Variants in AGT observed in about 807,000 individuals in gnomAD.
AGT encodes the protein angiotensinogen, also known as alpha-1 antiproteinase, antitrypsin.
AGT carries 26 observed loss-of-function variants against 28.1 expected under a neutral mutation model. The ratio of observed to expected loss-of-function variants is 0.92; its 90% CI spans 0.68 to 1.28. The LOEUF is 1.28. Among genes scored for constraint, AGT ranks in the 50% most tolerant of loss-of-function variants. The pLI, the probability that AGT is intolerant of heterozygous loss-of-function variation, is 0.00. For synonymous variants in AGT, 259 were observed against 259.6 expected (o/e 1.00, Z 0.02); for missense variants, 596 against 592.3 (o/e 1.01, Z -0.06).
At chr1:230,743,305 A>G (rs1322779722) in intron 1 of AGT, among the ~76,000 whole-genome samples, 2 of 152,158 alleles carry the variant, frequency 1.3e-5, no homozygotes, top group Non-Finnish European at 2.9e-5. Flanking sequence ...TACTCTTAAC[A>G]TACCCAAAGT....
At chr1:230,731,425 G>A (rs913906823) in intron 1 of AGT, among the ~76,000 whole-genome samples, 12 of 152,216 alleles carry the variant, frequency 7.9e-5, no homozygotes, top group African/African-American at 2.9e-4. Flanking sequence ...CCCCAAGGCT[G>A]CCCATTGCAA....
chr1:230,727,526 T>A (rs570977462), intron 1 of AGT, among the ~76,000 whole-genome samples: 1 of 152,340 alleles, frequency 6.6e-6, no homozygotes, highest in South Asian at 2.1e-4. Flanking sequence ...ATTTATGCCA[T>A]TAAGTGTGAA....
intron 1 of AGT, among the ~76,000 whole-genome samples, chr1:230,723,720 C>T (rs1373606920): frequency 6.6e-6 from 1 of 152,134 alleles, no homozygotes; most frequent in African/African-American, 2.4e-5. Flanking sequence ...TGTTCTGCTT[C>T]TATTTTCAGT....
In AGT at chr1:230,710,254, G is replaced by A. The variant is rs1181985678; in HGVS notation, c.570C>T (p.Ser190=). Residue 190 remains serine (S), a synonymous_variant, in exon 2 of 5, where the codon AGC becomes AGT. Coordinates refer to ENST00000366667, the MANE Select transcript of AGT (RefSeq NM_001384479.1). The part of the protein sequence containing the change: ...GLLVAQGRAD[S]QAQLLLSTVV... The stretch of plus-strand genomic sequence containing the variant: ...CCGTGGACAGCAGCAGCTGGGCCTG[G>A]CTATCAGCCCTGCCCTGGGCCACTA... 1.4e-5 allele frequency: 22 copies of A among 1,613,658 alleles called. No individual in the cohort carries two copies. The highest frequency in any genetic ancestry group is 1.9e-5 in the Non-Finnish European group (22 of 1,179,972).
At chr1:230,715,402 T>A (rs1663710486), upstream of AGT, among the ~76,000 whole-genome samples, 1 of 152,162 alleles carries the variant, frequency 6.6e-6, no homozygotes. Context: ...CCAGGTACAG[T>A]GCCTCGCATC....
At chr1:230,727,886 G>A (rs1004541615) in intron 1 of AGT, among the ~76,000 whole-genome samples, 1 of 152,180 alleles carries the variant, frequency 6.6e-6, no homozygotes, top group African/African-American at 2.4e-5. Context: ...GATTTATCAA[G>A]ACAGGGGAGT....
intron 1 of AGT, among the ~76,000 whole-genome samples, chr1:230,728,736 G>T (rs1483059560): frequency 2.0e-5 from 3 of 152,090 alleles, no homozygotes; most frequent in Non-Finnish European, 4.4e-5. Context: ...GGGAGAAAAG[G>T]TTTGTGTGTA....
At chr1:230,717,971 G>A (rs1002035919), upstream of AGT, among the ~76,000 whole-genome samples, 3 of 152,158 alleles carry the variant, frequency 2.0e-5, no homozygotes, top group Non-Finnish European at 4.4e-5. Context: ...GTATTTTTGT[G>A]TGTTGTTTTA....
chr1:230,719,269 G>C (rs1181033653), upstream of AGT, among the ~76,000 whole-genome samples: 1 of 152,104 alleles, frequency 6.6e-6, no homozygotes, highest in African/African-American at 2.4e-5. Flanking sequence ...ACCTCGGGCA[G>C]TGCCCTATGG....
At chr1:230,736,279 T>C (rs1664153734) in intron 1 of AGT, among the ~76,000 whole-genome samples, 1 of 152,090 alleles carries the variant, frequency 6.6e-6, no homozygotes, top group Non-Finnish European at 1.5e-5. Flanking sequence ...ATCCCAGCAC[T>C]TTGGGAGGCT....
chr1:230,719,413 T>A (rs556920559), upstream of AGT, among the ~76,000 whole-genome samples: 50 of 58,990 alleles, frequency 8.5e-4, no homozygotes, highest in East Asian at 0.022. Flanking sequence ...TATGTTTTTT[T>A]TTTTTTTTTT....
In AGT at chr1:230,705,825, T is replaced by C. The variant is rs1400159185; in HGVS notation, c.1097+108A>G. On this transcript the variant is annotated intron_variant, in intron 3 of 4. Transcript: ENST00000366667. ...GCCCCGTGCCACCGCGGCCCTGCCCTGCTCTGCACCCAAGGCTCAGCTCAG... is the reference window on the plus strand; with the variant it reads ...GCCCCGTGCCACCGCGGCCCTGCCCCGCTCTGCACCCAAGGCTCAGCTCAG... The C allele has an allele frequency of 2.7e-6, 4 of 1,471,586 alleles. No individual in the cohort carries two copies. The African/African-American group carries it at 5.6e-5, about 21-fold the overall frequency. 91.2% of individuals were successfully genotyped at this position (1,471,586 alleles called of 1,614,324 possible).
intron 1 of AGT, among the ~76,000 whole-genome samples, chr1:230,744,866 A>C (rs1024617312): frequency 8.5e-5 from 13 of 152,148 alleles, no homozygotes; most frequent in African/African-American, 3.1e-4. Flanking sequence ...GTCCTTTCTC[A>C]GTTGCTGGGG....
Position 230,710,680 on chromosome 1 carries a change from G to T in AGT, c.144C>A (p.Ala48=), listed in dbSNP as rs539783201. 6.2e-7 allele frequency: 1 copy of T among 1,614,220 alleles called. No homozygotes were observed. Among genetic ancestry groups the T allele is most frequent in the South Asian group, 1.1e-5 (1 of 91,090 alleles). The change falls in exon 2 of 5, where the codon GCC becomes GCA. Residue 48 remains alanine (A), a synonymous_variant. Coordinates refer to ENST00000366667, the MANE Select transcript of AGT (RefSeq NM_001384479.1). ...NESTCEQLAK[A]NAGKPKDPTF... ...TGGGGTCTTTGGGCTTCCCGGCATT[G>T]GCCTTTGCCAGCTGCTCACAGGTAC...
At position 230,710,667 on chromosome 1, in the gene AGT, G is replaced by T. The variant is rs142417928; in HGVS notation, c.157C>A (p.Pro53Thr). The T allele has an allele frequency of 6.2e-7, 1 of 1,614,202 alleles. No individual in the cohort carries two copies. Among genetic ancestry groups the T allele is most frequent in the Admixed American group, 1.7e-5 (1 of 60,036 alleles). ...GCAGGTATGAAGGTGGGGTCTTTGG[G>T]CTTCCCGGCATTGGCCTTTGCCAGC... is the stretch of plus-strand genomic sequence containing the variant. Reference protein sequence around the residue: ...EQLAKANAGKPKDPTFIPAPI... With the variant: ...EQLAKANAGKTKDPTFIPAPI... Residue 53 changes from proline to threonine, a missense_variant, in exon 2 of 5, where the codon CCC becomes ACC. Physicochemically the swap from Pro to Thr is conservative, Grantham distance 38. Transcript: ENST00000366667.
chr1:230,720,515 C>T (rs561064951), intron 1 of AGT, among the ~76,000 whole-genome samples: 2 of 152,294 alleles, frequency 1.3e-5, no homozygotes, highest in South Asian at 4.1e-4. Flanking sequence ...TGGGGCGGGT[C>T]CCCGGTGAAA....
chr1:230,704,639 G>A (rs563728885), intron 3 of AGT, among the ~76,000 whole-genome samples: 3 of 152,328 alleles, frequency 2.0e-5, no homozygotes, highest in Admixed American at 6.5e-5. Context: ...GTGTTACTTG[G>A]GTAATTTTTA....
At position 230,706,082 on chromosome 1, in the gene AGT, G is replaced by C; in HGVS notation, c.948C>G (p.Ile316Met). Residue 316 changes from isoleucine (I) to methionine (M), a missense_variant, in exon 3 of 5, where the codon ATC becomes ATG. Physicochemically the swap from Ile to Met is conservative, Grantham distance 10. Coordinates refer to ENST00000366667, the MANE Select transcript of AGT (RefSeq NM_001384479.1). ...CTTGAGTCACCGAGAAGTTGTCCTG[G>C]ATGTCACTCCAGTGCTGGAAGGTGC... ...GMGTFQHWSD[I>M]QDNFSVTQVP... 6.2e-7 allele frequency: 1 copy of C among 1,614,146 alleles called. No individual in the cohort carries two copies. The highest frequency in any genetic ancestry group is 8.5e-7 in the Non-Finnish European group (1 of 1,180,028).
Position 230,706,195 on chromosome 1 carries a change from T to A in AGT, c.835A>T (p.Met279Leu), listed in dbSNP as rs1426143751. Reference protein sequence around the residue: ...FNTYVHFQGKMKGFSLLAEPQ... With the variant: ...FNTYVHFQGKLKGFSLLAEPQ... ...TCGGCCAGCAGGGAGAAGCCCTTCATCTTCCCTGAAATCCAGACAGGAGAC... is the reference window on the plus strand; with the variant it reads ...TCGGCCAGCAGGGAGAAGCCCTTCAACTTCCCTGAAATCCAGACAGGAGAC... Residue 279 changes from methionine to leucine, a missense_variant, in exon 3 of 5, where the codon ATG becomes TTG. Transcript: ENST00000366667. 3.1e-6 allele frequency: 5 copies of A among 1,613,148 alleles called. No individual in the cohort carries two copies. The highest frequency in any genetic ancestry group is 4.2e-6 in the Non-Finnish European group (5 of 1,179,526).
Sources: allele counts gnomAD v4.1 joint callset (sites outside exome capture counted in the v4.1 genomes callset), GRCh38; gene constraint gnomAD v4.1.1; transcripts MANE v1.5; gene names NCBI Gene and HGNC (gene_info 2026-07-23, HGNC 2026-07-21).